CAST: variants seen among roughly 807,000 people sequenced by gnomAD.
The protein encoded by CAST is MIR583 host.
CAST carries 76 observed loss-of-function variants against 119.6 expected under a neutral mutation model. That is an observed-to-expected ratio of 0.64 (90% CI 0.53 to 0.77). CAST has a LOEUF of 0.77. CAST is among the 30% of genes least tolerant of loss of function. The pLI, the probability that CAST is intolerant of heterozygous loss-of-function variation, is 0.00. For synonymous variants in CAST, 319 were observed against 331.6 expected, an observed-to-expected ratio of 0.96 and a Z score of 0.41; for missense variants, 953 against 946.5, an observed-to-expected ratio of 1.01 and a Z score of -0.09.
upstream of CAST, among the ~76,000 whole-genome samples, chr5:96,520,985 T>C (rs1745507953): frequency 1.3e-5 from 2 of 152,208 alleles, no homozygotes; most frequent in Admixed American, 6.5e-5. Context: ...ATTAGTTACA[T>C]GAGTCCTTCA....
chr5:95,961,671 C>G, the CAST span: 5 of 1,608,908 alleles, frequency 3.1e-6, no homozygotes, highest in Middle Eastern at 1.7e-4. Context: ...GTCCGCACGA[C>G]AGCCCATAGC....
intron 1 of CAST, among the ~76,000 whole-genome samples, chr5:96,627,553 A>G (rs542006920): frequency 3.3e-5 from 5 of 152,336 alleles, no homozygotes; most frequent in Admixed American, 2.6e-4. Context: ...AAAATTTGGG[A>G]TCCACCTTGT....
chr5:96,273,125 G>A, the CAST span, among the ~76,000 whole-genome samples: 3 of 152,324 alleles, frequency 2.0e-5, no homozygotes, highest in Admixed American at 6.5e-5. Context: ...TTGTCTTGAT[G>A]GAGTTTGTTT....
chr5:96,604,256 C>T (rs1747212869), intron 1 of CAST, among the ~76,000 whole-genome samples: 1 of 152,190 alleles, frequency 6.6e-6, no homozygotes, highest in South Asian at 2.1e-4. Context: ...TTATGTAACA[C>T]ATGAACATAC....
At chr5:96,494,129 A>G in the CAST span, among the ~76,000 whole-genome samples, 7 of 152,232 alleles carry the variant, frequency 4.6e-5, no homozygotes, top group African/African-American at 7.2e-5. Flanking sequence ...GGATAGCCCA[A>G]CAAAAGCAAT....
chr5:96,103,893 C>T, the CAST span, among the ~76,000 whole-genome samples: 5 of 151,902 alleles, frequency 3.3e-5, no homozygotes, highest in Non-Finnish European at 7.4e-5. Context: ...GATTGCCATT[C>T]TAACTGGTGT....
intron 1 of CAST, among the ~76,000 whole-genome samples, chr5:96,562,485 G>A (rs1255851751): frequency 6.6e-6 from 1 of 152,140 alleles, no homozygotes; most frequent in Admixed American, 6.5e-5. Flanking sequence ...AATACATTGT[G>A]ATAGTAAGGG....
the CAST span, chr5:96,432,001 C>A: frequency 1.0e-6 from 1 of 986,574 alleles, no homozygotes; most frequent in South Asian, 1.4e-5. Flanking sequence ...CGCCCACCCA[C>A]CTCCAACCAG....
the CAST span, among the ~76,000 whole-genome samples, chr5:96,108,621 C>T: frequency 6.6e-6 from 1 of 151,920 alleles, no homozygotes; most frequent in Non-Finnish European, 1.5e-5. Flanking sequence ...CCACTGCTCT[C>T]TTCAAAGCTG....
At chr5:95,993,750 T>A in the CAST span, among the ~76,000 whole-genome samples, 1 of 152,000 alleles carries the variant, frequency 6.6e-6, no homozygotes, top group Non-Finnish European at 1.5e-5. Context: ...AAGGCTTGAA[T>A]TCAGAATATA....
At chr5:96,267,401 G>A in the CAST span, among the ~76,000 whole-genome samples, 1 of 152,100 alleles carries the variant, frequency 6.6e-6, no homozygotes, top group East Asian at 1.9e-4. Context: ...AAAAATGAAG[G>A]ACAGAGAGAG....
chr5:96,661,759 C>T (rs1231541601), upstream of CAST, among the ~76,000 whole-genome samples: 2 of 152,242 alleles, frequency 1.3e-5, no homozygotes, highest in Admixed American at 1.3e-4. Context: ...CTCCGTTTTG[C>T]ATTGGAACCT....
At chr5:96,392,492 G>T in the CAST span, 2 of 157,398 alleles carry the variant, frequency 1.3e-5, no homozygotes, top group African/African-American at 4.8e-5. Context: ...GGAATAGAAA[G>T]ATCTAGGGAA....
chr5:96,400,197 A>G, the CAST span: 2 of 1,567,642 alleles, frequency 1.3e-6, no homozygotes, highest in Admixed American at 1.7e-5. Flanking sequence ...CTGGAGGGGA[A>G]GTGACCCAAA....
the CAST span, among the ~76,000 whole-genome samples, chr5:96,358,420 G>A: frequency 6.6e-6 from 1 of 152,060 alleles, no homozygotes; most frequent in African/African-American, 2.4e-5. Context: ...TAATTGTGAT[G>A]TTAGGTTGTT....
the CAST span, among the ~76,000 whole-genome samples, chr5:96,262,841 C>T: frequency 2.6e-5 from 4 of 152,106 alleles, no homozygotes; most frequent in Non-Finnish European, 5.9e-5. Flanking sequence ...AGCCTACCAG[C>T]TTCTTTTTAG....
At chr5:96,694,330 A>G (rs1000896196) in intron 2 of CAST, among the ~76,000 whole-genome samples, 1 of 152,128 alleles carries the variant, frequency 6.6e-6, no homozygotes, top group African/African-American at 2.4e-5. Context: ...GCATATCACC[A>G]TTTTACATTA....
chr5:96,184,747 T>A, the CAST span, among the ~76,000 whole-genome samples: 1 of 152,194 alleles, frequency 6.6e-6, no homozygotes, highest in African/African-American at 2.4e-5. Flanking sequence ...TCTTTATCCA[T>A]TCTATCATTA....
At chr5:96,464,361 T>C in the CAST span, among the ~76,000 whole-genome samples, 2 of 152,078 alleles carry the variant, frequency 1.3e-5, no homozygotes, top group African/African-American at 2.4e-5. Context: ...CTGTGACATA[T>C]TGAAATGGGG....
Sources: gnomAD v4.1 joint callset for allele counts (sites outside exome capture counted in the v4.1 genomes callset) on GRCh38, gnomAD v4.1.1 for gene constraint, MANE v1.5 for transcripts, NCBI Gene and HGNC (gene_info 2026-07-23, HGNC 2026-07-21) for gene names.